Variants in CCDC158 observed in about 807,000 individuals in gnomAD.
The protein encoded by CCDC158 is coiled-coil domain containing 158, also known as coiled-coil domain-containing protein 158.
A neutral mutation model predicts 138.6 loss-of-function variants in CCDC158; 116 were observed. The observed-to-expected ratio is 0.84, with a 90% CI of 0.72 to 0.98. The LOEUF is 0.98. Ranked by LOEUF, CCDC158 falls within the 50% of genes least tolerant of loss-of-function variation. The pLI, the probability that CCDC158 is intolerant of heterozygous loss-of-function variation, is 0.00. For missense variants in CCDC158, 1,265 were observed against 1,306.1 expected (o/e 0.97, Z 0.48); for synonymous variants, 436 against 442.4 (o/e 0.99, Z 0.18).
intron 9 of CCDC158, chr4:76,375,722 GA>G (rs1188722884): frequency 1.5e-5 from 10 of 671,250 alleles, no homozygotes; most frequent in Non-Finnish European, 2.7e-5. Context: ...GGAAAGAGAA[GA>G]ATAGAAAACA....
intron 9 of CCDC158, chr4:76,375,134 GC>G (rs1242575180): frequency 1.3e-5 from 2 of 159,632 alleles, no homozygotes; most frequent in Non-Finnish European, 2.7e-5. Flanking sequence ...ATAAAGAAAA[GC>G]CTTTTAAAAT....
intron 24 of CCDC158, among the ~76,000 whole-genome samples, chr4:76,321,673 T>C (rs896226980): frequency 5.5e-5 from 8 of 145,810 alleles, no homozygotes; most frequent in African/African-American, 2.0e-4. Flanking sequence ...TGTATATTTT[T>C]ATATATATAT....
At chr4:76,396,524 T>C in intron 3 of CCDC158, 38 bp from the exon 4 acceptor site, 1 of 1,521,036 alleles carries the variant, frequency 6.6e-7, no homozygotes, top group Non-Finnish European at 9.0e-7. Flanking sequence ...CTTTTCGTTT[T>C]TTTTGAGAAG....
intron 4 of CCDC158, among the ~76,000 whole-genome samples, chr4:76,388,032 C>T (rs531528092): frequency 2.0e-5 from 3 of 151,818 alleles, no homozygotes; most frequent in Admixed American, 6.6e-5. Context: ...TAAAAGTAAA[C>T]ATAATAAAAA....
intron 18 of CCDC158, among the ~76,000 whole-genome samples, chr4:76,350,625 T>C (rs963957668): frequency 1.3e-5 from 2 of 152,208 alleles, no homozygotes; most frequent in African/African-American, 2.4e-5. Flanking sequence ...AATTCTGTTA[T>C]AAATAAGTTA....
intron 4 of CCDC158, among the ~76,000 whole-genome samples, chr4:76,385,791 G>GA (rs1196397652): frequency 2.0e-5 from 3 of 151,342 alleles, no homozygotes; most frequent in South Asian, 4.2e-4. Context: ...CAAGGTGAAT[G>GA]AAAAAAAACA....
intron 8 of CCDC158, among the ~76,000 whole-genome samples, chr4:76,379,908 G>C (rs551787716): frequency 9.9e-5 from 15 of 152,032 alleles, no homozygotes; most frequent in Non-Finnish European, 1.9e-4. Flanking sequence ...TCATGATAGT[G>C]AGTTCTCACA....
At chr4:76,314,537 A>G (rs1277437606) in intron 24 of CCDC158, among the ~76,000 whole-genome samples, 1 of 152,244 alleles carries the variant, frequency 6.6e-6, no homozygotes, top group Non-Finnish European at 1.5e-5. Flanking sequence ...AAATTCCACA[A>G]GATAGGTAAA....
chr4:76,350,910 T>C (rs1722976863), intron 18 of CCDC158, 86 bp downstream of exon 18: 2 of 1,297,078 alleles, frequency 1.5e-6, no homozygotes, highest in African/African-American at 1.5e-5. Context: ...GATATAGAGA[T>C]ATTATTTTTT....
chr4:76,326,559 A>G (rs1720549806), intron 22 of CCDC158, among the ~76,000 whole-genome samples: 1 of 152,238 alleles, frequency 6.6e-6, no homozygotes, highest in Non-Finnish European at 1.5e-5. Context: ...TCTTATCTGC[A>G]TGAAAAAATC....
chr4:76,351,164 C>A, intron 17 of CCDC158, 43 bp from the exon 18 acceptor site: 1 of 1,544,484 alleles, frequency 6.5e-7, no homozygotes, highest in Non-Finnish European at 8.7e-7. Flanking sequence ...TGCCAGCCTA[C>A]AATTATAAAG....
chr4:76,413,077 A>G (rs1255605334), intron 1 of CCDC158, among the ~76,000 whole-genome samples: 1 of 152,046 alleles, frequency 6.6e-6, no homozygotes, highest in Middle Eastern at 3.2e-3. Flanking sequence ...TTGGGTAGAG[A>G]AACTTCTGTC....
chr4:76,344,806 G>T, intron 18 of CCDC158: 3 of 1,604,604 alleles, frequency 1.9e-6, no homozygotes, highest in Non-Finnish European at 2.6e-6. Flanking sequence ...AATGGTCCTC[G>T]AGAGAAGATG....
At chr4:76,393,641 A>G (rs577700683) in intron 4 of CCDC158, among the ~76,000 whole-genome samples, 3 of 152,132 alleles carry the variant, frequency 2.0e-5, no homozygotes, top group South Asian at 4.1e-4. Context: ...TGGGATCACA[A>G]GTTAGAAAGC....
chr4:76,397,970 A>C (rs1727981786), intron 3 of CCDC158, among the ~76,000 whole-genome samples: 1 of 152,200 alleles, frequency 6.6e-6, no homozygotes, highest in Admixed American at 6.5e-5. Flanking sequence ...GAGAGCAAAA[A>C]ATTGGGGCCA....
intron 13 of CCDC158, among the ~76,000 whole-genome samples, chr4:76,361,285 G>C (rs1190661001): frequency 6.6e-6 from 1 of 152,214 alleles, no homozygotes; most frequent in East Asian, 1.9e-4. Context: ...AGTCTGGGCT[G>C]GGTGGGGTGG....
chr4:76,345,610 AAATAAATGAATGTGAAAG>A, intron 18 of CCDC158: 2 of 982,626 alleles, frequency 2.0e-6, no homozygotes, highest in Non-Finnish European at 3.3e-6. Context: ...ACTCAGAAGA[AAATAAATGAATGTGAAAG>A]AAAGCCAAGC....
intron 2 of CCDC158, 150 bp downstream of exon 2, chr4:76,411,940 A>G (rs1729329239): frequency 6.6e-6 from 1 of 152,214 alleles, no homozygotes; most frequent in Non-Finnish European, 1.5e-5. Context: ...TTGTAGGCCT[A>G]CGATATATTT....
At chr4:76,363,653 G>A (rs563466975) in intron 12 of CCDC158, among the ~76,000 whole-genome samples, 72 of 152,226 alleles carry the variant, frequency 4.7e-4, no homozygotes, top group Non-Finnish European at 9.4e-4. Context: ...GAAGAGCAGG[G>A]ACATCAGTAG....
Sources: allele counts gnomAD v4.1 joint callset (sites outside exome capture counted in the v4.1 genomes callset), GRCh38; gene constraint gnomAD v4.1.1; transcripts MANE v1.5; gene names NCBI Gene and HGNC (gene_info 2026-07-23, HGNC 2026-07-21).